Variants in KCNC4 observed in about 807,000 individuals in gnomAD.
The protein encoded by KCNC4 is voltage-gated potassium channel KCNC4.
Under a neutral mutation model 42.8 loss-of-function variants are expected in KCNC4, and 23 were observed. The observed-to-expected ratio is 0.54, with a 90% CI of 0.39 to 0.76. The LOEUF is 0.76. KCNC4 is among the 30% of genes least tolerant of loss of function. The probability of loss-of-function intolerance (pLI) is 0.00; values close to 1 mark genes in which losing one functional copy is unlikely to be tolerated. For missense variants in KCNC4, 751 were observed against 898.2 expected (o/e 0.84, Z 2.10); for synonymous variants, 422 against 393.5 (o/e 1.07, Z -0.86).
intron 3 of KCNC4, 83 bp from the exon 4 acceptor site, chr1:110,232,828 T>C: frequency 6.4e-7 from 1 of 1,552,832 alleles, no homozygotes; most frequent in Non-Finnish European, 8.7e-7. Flanking sequence ...TTTGCTGAAC[T>C]CCCTGTCCCC....
chr1:110,232,091 C>A, intron 3 of KCNC4: 1 of 796,354 alleles, frequency 1.3e-6, no homozygotes, highest in Non-Finnish European at 2.0e-6. Context: ...TGTGCTCCCA[C>A]TGGTAAGGTA....
chr1:110,210,660 G>T lies in KCNC4; in HGVS notation c.-840G>T, dbSNP rs1337397557. 8.6e-5 allele frequency among the ~76,000 whole-genome samples: 13 copies of T among 150,442 alleles called. No homozygotes were observed. Among genetic ancestry groups the T allele is most frequent in the Non-Finnish European group, 1.9e-4 (13 of 67,500 alleles). On this transcript the variant is annotated 5_prime_UTR_variant, in exon 1 of 4. Transcript: ENST00000438661. ...CAGAGCGGCCCCGCCCCCCAGGCTC[G>T]GCGCCGCGCAGGACGCCCCGTCTGA...
chr1:110,229,378 C>T (rs1278187437), intron 3 of KCNC4, among the ~76,000 whole-genome samples: 1 of 152,142 alleles, frequency 6.6e-6, no homozygotes, highest in Non-Finnish European at 1.5e-5. Flanking sequence ...GGGCGGGCTG[C>T]CTAGGCGAGG....
intron 1 of KCNC4, chr1:110,221,184 T>C (rs1256676344): frequency 6.6e-6 from 1 of 152,192 alleles, no homozygotes; most frequent in Non-Finnish European, 1.5e-5. Flanking sequence ...GCCTGTGAAT[T>C]GACCCTGCCT....
intron 1 of KCNC4, among the ~76,000 whole-genome samples, chr1:110,259,869 A>C (rs1334750261): frequency 4.6e-5 from 7 of 152,212 alleles, no homozygotes; most frequent in Non-Finnish European, 1.5e-5. Flanking sequence ...GTGATGCCTA[A>C]AGATTGTCAA....
At chr1:110,265,649 C>T (rs1244892119) in intron 1 of KCNC4, among the ~76,000 whole-genome samples, 1 of 152,132 alleles carries the variant, frequency 6.6e-6, no homozygotes. Context: ...GCCCAATAGT[C>T]ATCATCTTCC....
exon 4 of KCNC4, chr1:110,246,768 T>C (rs1475040383): frequency 1.4e-5 from 1 of 70,276 alleles, no homozygotes; most frequent in African/African-American, 4.2e-5. Context: ...TTTCTTTTCT[T>C]TTTTTTTTTT....
Position 110,277,073 on chromosome 1 carries a change from G to A in KCNC4, n.31-5461G>A, listed in dbSNP as rs556141699. Among the ~76,000 whole-genome samples the A allele has an allele frequency of 1.7e-4, 26 of 152,290 alleles. No individual in the cohort carries two copies. In the East Asian group the frequency reaches 2.1e-3, roughly 12 times the overall value. Reference sequence around the variant, plus strand: ...AGCATTACCTTCCACCCCACATCCCGCTGAAATCTAAATTTAGCCATCTGT... The same window carrying A: ...AGCATTACCTTCCACCCCACATCCCACTGAAATCTAAATTTAGCCATCTGT... On this transcript the variant is annotated intron_variant and non_coding_transcript_variant, in intron 1 of 2. Coordinates refer to the KCNC4 transcript ENST00000412512.
downstream of KCNC4, among the ~76,000 whole-genome samples, chr1:110,249,799 G>A (rs1659219135): frequency 6.6e-6 from 1 of 152,100 alleles, no homozygotes; most frequent in South Asian, 2.1e-4. Flanking sequence ...GTGACATTAA[G>A]TACATTCACA....
exon 4 of KCNC4, chr1:110,239,724 C>T (rs751839756): frequency 1.3e-5 from 2 of 152,194 alleles, no homozygotes; most frequent in Admixed American, 6.5e-5. Context: ...ATAACATGAA[C>T]GCTCTTCTTT....
intron 3 of KCNC4, among the ~76,000 whole-genome samples, chr1:110,229,616 A>C (rs1180541518): frequency 3.3e-5 from 5 of 152,160 alleles, no homozygotes; most frequent in Non-Finnish European, 7.4e-5. Context: ...CCAGAACCGG[A>C]GACTCATCTA....
Position 110,221,322 on chromosome 1 carries a change from ATGT to A in KCNC4, c.679-1640_679-1638del, listed in dbSNP as rs1658083079. 3.9e-5 allele frequency: 6 copies of A among 152,330 alleles called. No individual in the cohort carries two copies. The South Asian group carries it at 1.2e-3, about 32-fold the overall frequency. The allele number at this position is 152,330 out of a possible 1,614,324, so 9.4% of individuals were successfully genotyped here. Reference sequence around the variant, plus strand: ...CTTAAGCAAGTATGTAACGTCTCTGATGTTCAGTTCATCCTGCATAAAATGGGA... The same window carrying A: ...CTTAAGCAAGTATGTAACGTCTCTGATCAGTTCATCCTGCATAAAATGGGA... On this transcript the variant is annotated intron_variant, in intron 1 of 3. Coordinates refer to ENST00000438661, the MANE Select transcript of KCNC4 (RefSeq NM_001039574.3).
chr1:110,236,324 T>C (rs1658905778), downstream of KCNC4: 1 of 152,154 alleles, frequency 6.6e-6, no homozygotes. Context: ...ACACAGCCAT[T>C]AAGTAGCAAA....
downstream of KCNC4, among the ~76,000 whole-genome samples, chr1:110,249,894 C>T (rs1314791752): frequency 6.6e-6 from 1 of 152,156 alleles, no homozygotes; most frequent in African/African-American, 2.4e-5. Flanking sequence ...AACAATGACT[C>T]CTCATTCTCT....
At chr1:110,266,116 C>T (rs1659536610) in intron 1 of KCNC4, among the ~76,000 whole-genome samples, 1 of 152,290 alleles carries the variant, frequency 6.6e-6, no homozygotes, top group Middle Eastern at 3.4e-3. Context: ...AAGTACAATT[C>T]ACCCAATTCC....
At chr1:110,227,874 G>A (rs113010252) in intron 3 of KCNC4, among the ~76,000 whole-genome samples, 30 of 152,180 alleles carry the variant, frequency 2.0e-4, no homozygotes, top group Middle Eastern at 3.2e-3. Context: ...TCACCGGCAC[G>A]TGCACGGGGC....
At chr1:110,278,354 C>T (rs1659761690) in intron 1 of KCNC4, among the ~76,000 whole-genome samples, 1 of 152,058 alleles carries the variant, frequency 6.6e-6, no homozygotes, top group African/African-American at 2.4e-5. Context: ...TTCCTGGGGA[C>T]ATTTGGTAGC....
intron 1 of KCNC4, among the ~76,000 whole-genome samples, chr1:110,264,957 C>T (rs919312896): frequency 8.6e-6 from 1 of 116,290 alleles, no homozygotes; most frequent in Admixed American, 8.4e-5. Context: ...TGGCACACAC[C>T]TGTAATCTCA....
At chr1:110,269,541 T>C (rs1659604490) in intron 1 of KCNC4, among the ~76,000 whole-genome samples, 1 of 152,244 alleles carries the variant, frequency 6.6e-6, no homozygotes, top group Admixed American at 6.5e-5. Context: ...AGTTTATCAG[T>C]TCACCAGTTG....
Sources: gnomAD v4.1 joint callset for allele counts (sites outside exome capture counted in the v4.1 genomes callset) on GRCh38, gnomAD v4.1.1 for gene constraint, MANE v1.5 for transcripts, NCBI Gene and HGNC (gene_info 2026-07-23, HGNC 2026-07-21) for gene names.